TJP1: variants seen among roughly 807,000 people sequenced by gnomAD.
TJP1 encodes tight junction protein ZO-1.
TJP1 carries 43 observed loss-of-function variants against 194.2 expected under a neutral mutation model. The observed-to-expected ratio is 0.22, with a 90% CI of 0.17 to 0.29. The LOEUF (loss-of-function observed/expected upper bound fraction) is 0.29, where lower values mean the gene tolerates loss of function less well. Among genes scored for constraint, TJP1 ranks in the 10% least tolerant of loss-of-function variants. The pLI is 1.00. For synonymous variants in TJP1, 801 were observed against 779.0 expected, an observed-to-expected ratio of 1.03 and a Z score of -0.47; for missense variants, 1,971 against 2,185.7, an observed-to-expected ratio of 0.90 and a Z score of 1.96.
At chr15:29,834,726 G>A (rs781091008) in intron 2 of TJP1, among the ~76,000 whole-genome samples, 4 of 152,132 alleles carry the variant, frequency 2.6e-5, no homozygotes, top group Non-Finnish European at 5.9e-5. Context: ...AAACTTGAAG[G>A]GGACAAATTA....
At chr15:29,817,939 C>T (rs867138236) in intron 1 of TJP1, among the ~76,000 whole-genome samples, 3 of 151,696 alleles carry the variant, frequency 2.0e-5, no homozygotes, top group Middle Eastern at 3.2e-3. Context: ...ATAGGTGCAG[C>T]AAACCACCAT....
At chr15:29,701,970 C>T (rs2041576212) in intron 27 of TJP1, among the ~76,000 whole-genome samples, 1 of 152,154 alleles carries the variant, frequency 6.6e-6, no homozygotes, top group South Asian at 2.1e-4. Flanking sequence ...AATTTTCAGA[C>T]TTCTCCTTTA....
In TJP1 at chr15:29,965,242, C is replaced by T. The variant is rs1179894132; in HGVS notation, c.173+3425G>A. ...TTATTTATTTTGAGATGGAGTCTTG[C>T]TCTGTCACCCAGGCTGGAGTGCAAT... On this transcript the variant is annotated intron_variant, in intron 1 of 28. Transcript: ENST00000356107. 4.0e-5 allele frequency among the ~76,000 whole-genome samples: 6 copies of T among 151,042 alleles called. 1 individual carries two copies. In the East Asian group the frequency reaches 1.2e-3, roughly 29 times the overall value.
chr15:29,704,530 CAATATTTT>C (rs1212434744), intron 26 of TJP1, among the ~76,000 whole-genome samples: 1 of 152,164 alleles, frequency 6.6e-6, no homozygotes, highest in Non-Finnish European at 1.5e-5. Context: ...TCAAATCTTA[CAATATTTT>C]AATATTTTAA....
At position 29,741,337 on chromosome 15, in the gene TJP1, A is replaced by G. The variant is rs1402958317; in HGVS notation, c.1250T>C (p.Ile417Thr). 6.3e-7 allele frequency: 1 copy of G among 1,589,720 alleles called. No homozygotes were observed. Among genetic ancestry groups the G allele is most frequent in the South Asian group, 1.2e-5 (1 of 85,820 alleles). Residue 417 changes from isoleucine to threonine, a missense_variant, in exon 10 of 28, where the codon ATT becomes ACT. By Grantham distance (89) the Ile-to-Thr change is moderately conservative (BLOSUM62 -1). This residue lies in a region of TJP1 where 192 missense variants were observed against 182.3 expected (regional missense o/e 1.05). Transcript: ENST00000614355. Reference protein sequence around the residue: ...VLPNSTHEDGILRPSMKLVKF... With the variant: ...VLPNSTHEDGTLRPSMKLVKF... ...AACTTTAAAATTGTATTACCGAAGAATCCCATCTTCATGAGTTGAATTAGG... is the reference window on the plus strand; with the variant it reads ...AACTTTAAAATTGTATTACCGAAGAGTCCCATCTTCATGAGTTGAATTAGG...
chr15:29,940,646 G>T (rs552015599), intron 2 of TJP1, among the ~76,000 whole-genome samples: 7 of 152,074 alleles, frequency 4.6e-5, no homozygotes, highest in African/African-American at 1.7e-4. Flanking sequence ...CATAACAAAC[G>T]TGGTGATCAA....
chr15:29,915,146 T>C (rs1437742462), intron 2 of TJP1, among the ~76,000 whole-genome samples: 2 of 152,164 alleles, frequency 1.3e-5, no homozygotes, highest in Admixed American at 6.5e-5. Context: ...GATTTCCAGG[T>C]GTCCTTAAGT....
chr15:29,946,753 T>C (rs1443753865), intron 2 of TJP1, among the ~76,000 whole-genome samples: 3 of 152,236 alleles, frequency 2.0e-5, no homozygotes, highest in African/African-American at 4.8e-5. Context: ...ATATTTATAC[T>C]GAGCTGCACC....
chr15:29,794,337 CCT>C lies in TJP1; in HGVS notation c.84+6307_84+6308del, dbSNP rs569673250. Among the ~76,000 whole-genome samples, 6 of 152,236 alleles carry C rather than the reference CCT, an allele frequency of 3.9e-5. No individual in the cohort carries two copies. The South Asian group carries it at 1.2e-3, about 32-fold the overall frequency. On this transcript the variant is annotated intron_variant, in intron 2 of 27. Coordinates refer to ENST00000614355, the MANE Select transcript of TJP1 (RefSeq NM_001330239.4). Reference sequence around the variant, plus strand: ...CAACTGAAGAATTGTGAGTTATATACCTCTCTTATCTCAATGTATCTTCTGAT... The same window carrying C: ...CAACTGAAGAATTGTGAGTTATATACCTCTTATCTCAATGTATCTTCTGAT...
chr15:29,803,722 A>C (rs1414690097), intron 1 of TJP1, among the ~76,000 whole-genome samples: 1 of 152,154 alleles, frequency 6.6e-6, no homozygotes, highest in Admixed American at 6.5e-5. Context: ...TACAGTCTCC[A>C]GGAGGAGTGC....
chr15:29,862,560 T>A (rs1267612291), intron 2 of TJP1, among the ~76,000 whole-genome samples: 1 of 151,228 alleles, frequency 6.6e-6, no homozygotes, highest in Non-Finnish European at 1.5e-5. Context: ...GAAAGCGGAG[T>A]GATGGGAGCC....
chr15:29,879,153 A>G (rs1489945083), intron 2 of TJP1, among the ~76,000 whole-genome samples: 1 of 152,140 alleles, frequency 6.6e-6, no homozygotes, highest in Non-Finnish European at 1.5e-5. Context: ...AATAAAAAAA[A>G]TTAACTCCCA....
At position 29,737,309 on chromosome 15, in the gene TJP1, G is replaced by A. The variant is rs1429909374; in HGVS notation, c.1362C>T (p.Ser454=). 2 of 1,614,158 alleles carry A rather than the reference G, an allele frequency of 1.2e-6. No homozygotes were observed. The highest frequency in any genetic ancestry group is 1.7e-5 in the Admixed American group (1 of 60,026). The change falls in exon 11 of 28, where the codon AGC becomes AGT. Residue 454 remains serine, a synonymous_variant. Coordinates refer to ENST00000614355, the MANE Select transcript of TJP1 (RefSeq NM_001330239.4). ...CCTCTAAGCCTTCCTTGGCTGCAGG[G>A]CTATCTTCTAGAACGCCAGCTACAA... The part of the protein sequence containing the change: ...GIFVAGVLED[S]PAAKEGLEEG...
intron 2 of TJP1, among the ~76,000 whole-genome samples, chr15:29,846,090 C>G (rs994251541): frequency 6.6e-6 from 1 of 152,168 alleles, no homozygotes; most frequent in Non-Finnish European, 1.5e-5. Flanking sequence ...ATCTTTGCGT[C>G]TTTCTTCTCT....
intron 18 of TJP1, among the ~76,000 whole-genome samples, chr15:29,721,249 T>TG (rs949681119): frequency 3.3e-5 from 5 of 152,192 alleles, no homozygotes; most frequent in African/African-American, 1.2e-4. Flanking sequence ...TCCCCAGTGT[T>TG]GGGGGAGGGG....
At chr15:29,756,488 A>C (rs944353537) in intron 8 of TJP1, among the ~76,000 whole-genome samples, 49 of 152,162 alleles carry the variant, frequency 3.2e-4, no homozygotes, top group Non-Finnish European at 7.4e-5. Flanking sequence ...GTTTCCAATA[A>C]AACTTTACAA....
At chr15:29,950,063 A>T (rs1181778200) in intron 2 of TJP1, among the ~76,000 whole-genome samples, 3 of 46,796 alleles carry the variant, frequency 6.4e-5, no homozygotes, top group South Asian at 8.1e-4. Context: ...CACCTCCACC[A>T]CCACCACCTC....
At chr15:29,778,457 C>T (rs1048728886) in intron 2 of TJP1, among the ~76,000 whole-genome samples, 1 of 151,902 alleles carries the variant, frequency 6.6e-6, no homozygotes, top group African/African-American at 2.4e-5. Context: ...CTTTTCCCCA[C>T]TTTCCCTTCC....
chr15:29,876,935 GA>G (rs1248101380), intron 2 of TJP1, among the ~76,000 whole-genome samples: 2 of 152,108 alleles, frequency 1.3e-5, no homozygotes. Flanking sequence ...ACATTTATGA[GA>G]ACACAGTGAA....
Sources: allele counts gnomAD v4.1 joint callset (sites outside exome capture counted in the v4.1 genomes callset), GRCh38; gene constraint gnomAD v4.1.1; regional missense constraint gnomAD v4.1.1; transcripts MANE v1.5; gene names NCBI Gene and HGNC (gene_info 2026-07-23, HGNC 2026-07-21).